SPAST: variants seen among roughly 807,000 people sequenced by gnomAD.
SPAST encodes spastic paraplegia 4 (autosomal dominant; spastin).
In SPAST, 30 loss-of-function variants were observed where a neutral mutation model predicts 76.6. That is an observed-to-expected ratio of 0.39 (90% CI 0.29 to 0.53). The LOEUF (loss-of-function observed/expected upper bound fraction) is 0.53. SPAST is among the 20% of genes least tolerant of loss of function. The pLI is 0.68. For missense variants in SPAST, 717 were observed against 770.5 expected (o/e 0.93, Z 0.82); for synonymous variants, 305 against 281.0 (o/e 1.09, Z -0.86).
chr2:32,135,303 G>A lies in SPAST; in HGVS notation c.1246-1260G>A, dbSNP rs1344408877. ...TGCCACCACGCCTGGCTAATTTTTTGTATTTTTAGTAGAGACGAGGTTTCA... is the reference window on the plus strand; with the variant it reads ...TGCCACCACGCCTGGCTAATTTTTTATATTTTTAGTAGAGACGAGGTTTCA... On this transcript the variant is annotated intron_variant, in intron 9 of 16. Coordinates refer to ENST00000315285, the MANE Select transcript of SPAST (RefSeq NM_014946.4). Among the ~76,000 whole-genome samples, 3 of 151,570 alleles carry A rather than the reference G, an allele frequency of 2.0e-5. No individual in the cohort carries two copies. In the East Asian group the frequency reaches 5.9e-4, roughly 30 times the overall value.
chr2:32,106,541 C>G (rs931831173), intron 4 of SPAST, among the ~76,000 whole-genome samples: 1 of 152,204 alleles, frequency 6.6e-6, no homozygotes, highest in Non-Finnish European at 1.5e-5. Flanking sequence ...GTCGCTCACA[C>G]TGGGAGCTGC....
intron 4 of SPAST, among the ~76,000 whole-genome samples, chr2:32,110,541 TATATATATACTATATA>T (rs1278102691): frequency 2.2e-5 from 3 of 133,458 alleles, no homozygotes; most frequent in African/African-American, 5.9e-5. Context: ...GTATATATAG[TATATATATACTATATA>T]GTGTGTATAT....
chr2:32,127,236 G>C, intron 8 of SPAST: 1 of 535,260 alleles, frequency 1.9e-6, no homozygotes, highest in Non-Finnish European at 3.4e-6. Flanking sequence ...TCATGCCTCA[G>C]CCTCCCAAGT....
rs11399879 is a variant in SPAST at position 32,085,205 on chromosome 2, C to CTTT, written c.416-2270_416-2268dup. Reference sequence around the variant, plus strand: ...TTAATAATTTCTTTTTCTTCTTCTTCTTTTTTTTTTTTTTTTTTTGAGTCA... The same window carrying CTTT: ...TTAATAATTTCTTTTTCTTCTTCTTCTTTTTTTTTTTTTTTTTTTTTTGAGTCA... On this transcript the variant is annotated intron_variant, in intron 1 of 16. Coordinates refer to ENST00000315285, the MANE Select transcript of SPAST (RefSeq NM_014946.4). 1.3e-3 allele frequency among the ~76,000 whole-genome samples: 161 copies of CTTT among 119,680 alleles called. 1 individual carries two copies. Among genetic ancestry groups the CTTT allele is most frequent in the African/African-American group, 2.1e-3 (67 of 32,266 alleles). The allele number at this position is 119,680 out of a possible 152,430, so 78.5% of individuals were successfully genotyped here.
chr2:32,087,694 C>CTTTTTTTTTTTTTTTTTTTTTTTTCTT (rs770566493), intron 2 of SPAST, 116 bp downstream of exon 2: 1 of 176,306 alleles, frequency 5.7e-6, no homozygotes, highest in South Asian at 1.0e-4. Context: ...CTTTTCTTTT[C>CTTTTTTTTTTTTTTTTTTTTTTTTCTT]TTTTTTTTTT....
chr2:32,069,086 G>A (rs1676642062), intron 1 of SPAST, among the ~76,000 whole-genome samples: 1 of 151,878 alleles, frequency 6.6e-6, no homozygotes, highest in African/African-American at 2.4e-5. Context: ...AGTGGTGCAC[G>A]CCTGTAGTCC....
chr2:32,101,925 T>C (rs1439108382), intron 4 of SPAST, among the ~76,000 whole-genome samples: 1 of 152,198 alleles, frequency 6.6e-6, no homozygotes, highest in Non-Finnish European at 1.5e-5. Context: ...TCCAGCTTTG[T>C]TCTTTTGGCT....
chr2:32,068,328 T>C (rs1416644091), intron 1 of SPAST, among the ~76,000 whole-genome samples: 1 of 148,494 alleles, frequency 6.7e-6, no homozygotes, highest in Non-Finnish European at 1.5e-5. Context: ...GACAGCTCTT[T>C]TTTTTTTTTT....
chr2:32,130,858 A>T (rs1679349226), intron 9 of SPAST, among the ~76,000 whole-genome samples: 1 of 152,214 alleles, frequency 6.6e-6, no homozygotes, highest in Admixed American at 6.5e-5. Flanking sequence ...TGATTTTATC[A>T]GTACACCAAG....
At chr2:32,077,425 A>T (rs1025848990) in intron 1 of SPAST, among the ~76,000 whole-genome samples, 13 of 152,230 alleles carry the variant, frequency 8.5e-5, no homozygotes. Flanking sequence ...TAAGTATAAT[A>T]AAGATACTAA....
intron 1 of SPAST, among the ~76,000 whole-genome samples, chr2:32,074,564 G>T (rs962252015): frequency 8.6e-5 from 13 of 151,554 alleles, no homozygotes; most frequent in Non-Finnish European, 1.8e-4. Flanking sequence ...GGAGTTCAGT[G>T]GGGGCAATCT....
At chr2:32,109,301 G>A (rs1573105196) in intron 4 of SPAST, among the ~76,000 whole-genome samples, 1 of 151,596 alleles carries the variant, frequency 6.6e-6, no homozygotes, top group Admixed American at 6.6e-5. Context: ...TAAAGATGGG[G>A]TTTCACCATG....
At chr2:32,099,792 C>T (rs977640252) in intron 4 of SPAST, among the ~76,000 whole-genome samples, 1 of 152,184 alleles carries the variant, frequency 6.6e-6, no homozygotes, top group Non-Finnish European at 1.5e-5. Flanking sequence ...CCTTTGTATC[C>T]TTTCCCTACC....
intron 7 of SPAST, among the ~76,000 whole-genome samples, chr2:32,125,410 A>G (rs1679156510): frequency 6.6e-6 from 1 of 151,848 alleles, no homozygotes; most frequent in Non-Finnish European, 1.5e-5. Flanking sequence ...TTTAGTAGAG[A>G]CAGGGTTTCT....
intron 6 of SPAST, 79 bp from the exon 7 acceptor site, chr2:32,116,040 T>A (rs1468011536): frequency 1.8e-6 from 2 of 1,091,802 alleles, no homozygotes; most frequent in Admixed American, 1.8e-5. Context: ...AATAACTATA[T>A]GTCATAGGGC....
rs375850129 is a variant in SPAST, at chr2:32,089,218, T to TTTTTTTTTTTTTTTTTTTTTTC, written c.503-304_503-303insTTTTTTTTTTTTTTTTTTTTTC. Among the ~76,000 whole-genome samples, 58 of 129,982 alleles carry TTTTTTTTTTTTTTTTTTTTTTC rather than the reference T, an allele frequency of 4.5e-4. 5 individuals are homozygous for TTTTTTTTTTTTTTTTTTTTTTC. Among genetic ancestry groups the TTTTTTTTTTTTTTTTTTTTTTC allele is most frequent in the African/African-American group, 1.5e-3 (51 of 34,878 alleles). The allele number at this position is 129,982 out of a possible 152,430, so 85.3% of individuals were successfully genotyped here. ...CGGCTAATTTTTTTTTTTTTTTTTTTAAGTAGAGACCAGATCTCTTTATGT... is the reference window on the plus strand; with the variant it reads ...CGGCTAATTTTTTTTTTTTTTTTTTTTTTTTTTTTTTTTTTTTTTTTCAAGTAGAGACCAGATCTCTTTATGT... On this transcript the variant is annotated intron_variant, in intron 2 of 16. Transcript: ENST00000315285.
intron 9 of SPAST, among the ~76,000 whole-genome samples, chr2:32,133,129 C>A (rs1236762049): frequency 6.6e-6 from 1 of 151,784 alleles, no homozygotes; most frequent in Non-Finnish European, 1.5e-5. Flanking sequence ...TTGGGAGGAA[C>A]TGCATCATAG....
chr2:32,110,849 A>G (rs111206655), intron 4 of SPAST, among the ~76,000 whole-genome samples: 35,729 of 108,164 alleles, frequency 0.33, 6,364 homozygotes, highest in East Asian at 0.59. Flanking sequence ...ACTATATAGT[A>G]TATAGAGTAT....
At chr2:32,072,571 C>G (rs1000427192) in intron 1 of SPAST, among the ~76,000 whole-genome samples, 3 of 152,042 alleles carry the variant, frequency 2.0e-5, no homozygotes, top group African/African-American at 7.2e-5. Context: ...TTTGGAATGC[C>G]TTTGGCAAGG....
Sources: allele counts gnomAD v4.1 joint callset (sites outside exome capture counted in the v4.1 genomes callset), GRCh38; gene constraint gnomAD v4.1.1; transcripts MANE v1.5; gene names NCBI Gene and HGNC (gene_info 2026-07-23, HGNC 2026-07-21).